The following ADCY7 variants were observed in gnomAD, a reference collection of about 807,000 sequenced individuals.
The protein encoded by ADCY7 is adenylate cyclase type 7.
ADCY7 carries 72 observed loss-of-function variants against 120.6 expected under a neutral mutation model. The observed-to-expected ratio is 0.60, with a 90% CI of 0.49 to 0.73. The LOEUF (loss-of-function observed/expected upper bound fraction) is 0.73, where lower values mean the gene tolerates loss of function less well. Among genes scored for constraint, ADCY7 ranks in the 30% least tolerant of loss-of-function variants. The probability of loss-of-function intolerance (pLI) is 0.00; values close to 1 mark genes in which losing one functional copy is unlikely to be tolerated. For synonymous variants in ADCY7, 661 were observed against 628.0 expected (o/e 1.05, Z -0.78); for missense variants, 1,227 against 1,486.0 (o/e 0.83, Z 2.87).
At chr16:50,301,039 C>T (rs772188639) in intron 9 of ADCY7, 43 bp from the exon 10 acceptor site, 1 of 1,603,114 alleles carries the variant, frequency 6.2e-7, no homozygotes. Flanking sequence ...GATGCCAGCC[C>T]TCTCTGGGCC....
rs80123665 is a variant in ADCY7, at chr16:50,311,802, C to G, written c.2448+16C>G. On this transcript the variant is annotated intron_variant, in intron 20 of 25. Transcript: ENST00000673801. ...CTCCAGACAGGTAAGGAGGCTGGCC[C>G]CCCCCCCCCCCCCAAGCTCTGCCCA... 5.5e-4 allele frequency: 132 copies of G among 239,942 alleles called. No homozygotes were observed. Among genetic ancestry groups the G allele is most frequent in the East Asian group, 2.8e-3 (39 of 14,136 alleles). 14.9% of individuals were successfully genotyped at this position (239,942 alleles called of 1,614,324 possible).
In ADCY7 at chr16:50,290,474, G is replaced by A; in HGVS notation, c.189G>A (p.Gln63=). 2 of 1,614,208 alleles carry A rather than the reference G, an allele frequency of 1.2e-6. No individual in the cohort carries two copies. The highest frequency in any genetic ancestry group is 1.7e-6 in the Non-Finnish European group (2 of 1,180,038). ...AFSQGDPSRH[Q]AILGMAFLVL... is the part of the protein sequence containing the mutation. ...CCACCCAGGACCCCTCCAGACACCA[G>A]GCCATTCTGGGCATGGCGTTCCTGG... The change falls in exon 3 of 26, where the codon CAG becomes CAA. Residue 63 remains glutamine, a synonymous_variant. Coordinates refer to ENST00000673801, the MANE Select transcript of ADCY7 (RefSeq NM_001114.5).
intron 1 of ADCY7, among the ~76,000 whole-genome samples, chr16:50,272,927 C>T (rs1273645098): frequency 6.6e-6 from 1 of 152,156 alleles, no homozygotes; most frequent in Non-Finnish European, 1.5e-5. Flanking sequence ...ACCCAGACTC[C>T]CTGGAGACAC....
intron 24 of ADCY7, 31 bp downstream of exon 24, chr16:50,314,437 G>A (rs201200637): frequency 1.9e-6 from 3 of 1,565,028 alleles, no homozygotes; most frequent in Admixed American, 1.7e-5. Context: ...GGGGTGGGGA[G>A]CCCCTGCCTC....
intron 1 of ADCY7, among the ~76,000 whole-genome samples, chr16:50,246,652 CT>C (rs776023484): frequency 1.3e-5 from 2 of 152,184 alleles, no homozygotes; most frequent in Non-Finnish European, 2.9e-5. Flanking sequence ...GGCTGTGGGT[CT>C]GCAGCGCTCC....
At chr16:50,293,107 G>T (rs1211833988) in intron 5 of ADCY7, among the ~76,000 whole-genome samples, 1 of 152,204 alleles carries the variant, frequency 6.6e-6, no homozygotes, top group African/African-American at 2.4e-5. Context: ...AGCCTCCCCA[G>T]CTGAAAGAGC....
In ADCY7 at chr16:50,314,013, C is replaced by G; in HGVS notation, c.2807C>G (p.Thr936Arg). ...GAGAAGATCAAGACCATCGGCAGCACGTACATGGCAGCTGCAGGGCTCAGC... is the reference window on the plus strand; with the variant it reads ...GAGAAGATCAAGACCATCGGCAGCAGGTACATGGCAGCTGCAGGGCTCAGC... ...GVEKIKTIGS[T>R]YMAAAGLSVA... The change falls in exon 23 of 26, where the codon ACG becomes AGG. Residue 936 changes from threonine to arginine, a missense_variant. Around this residue, in one of 5 missense-constraint regions of ADCY7, gnomAD observed 244 missense variants for 332.8 expected, o/e 0.73. Coordinates refer to ENST00000673801, the MANE Select transcript of ADCY7 (RefSeq NM_001114.5). The G allele has an allele frequency of 6.2e-7, 1 of 1,614,180 alleles. No individual in the cohort carries two copies. Among genetic ancestry groups the G allele is most frequent in the Non-Finnish European group, 8.5e-7 (1 of 1,180,008 alleles).
In ADCY7 at chr16:50,251,014, C is replaced by T. The variant is rs538144414; in HGVS notation, c.-64+4811C>T. Among the ~76,000 whole-genome samples the T allele has an allele frequency of 3.0e-3, 455 of 152,104 alleles. 1 individual carries two copies. Among genetic ancestry groups the T allele is most frequent in the Non-Finnish European group, 4.7e-3 (323 of 68,000 alleles). On this transcript the variant is annotated intron_variant, in intron 1 of 4. Transcript: ENST00000564044. The stretch of plus-strand genomic sequence containing the variant: ...CTTTGGGAGGCCAAGGTAGGAGGAA[C>T]GCTTTAGGCCAGGAGTCTGAGACTA...
upstream of ADCY7, among the ~76,000 whole-genome samples, chr16:50,262,818 G>A (rs1472958252): frequency 6.6e-6 from 1 of 152,248 alleles, no homozygotes; most frequent in Non-Finnish European, 1.5e-5. Context: ...CCTCTACCAA[G>A]CAGAAACCAG....
chr16:50,280,034 G>T (rs551803384), intron 1 of ADCY7, among the ~76,000 whole-genome samples: 13 of 152,090 alleles, frequency 8.5e-5, no homozygotes, highest in African/African-American at 3.1e-4. Context: ...GCTCTTCTTC[G>T]TATATCTGGT....
intron 22 of ADCY7, 75 bp from the exon 23 acceptor site, chr16:50,313,883 C>T: frequency 7.8e-7 from 1 of 1,277,908 alleles, no homozygotes; most frequent in Non-Finnish European, 1.1e-6. Context: ...ACCCCACACC[C>T]TTCCTGAGAA....
chr16:50,302,347 C>A (rs1314428831), intron 10 of ADCY7, among the ~76,000 whole-genome samples: 1 of 152,166 alleles, frequency 6.6e-6, no homozygotes, highest in Non-Finnish European at 1.5e-5. Flanking sequence ...CGGCTCGAAG[C>A]TAGTGCTCAG....
intron 1 of ADCY7, among the ~76,000 whole-genome samples, chr16:50,273,750 C>T (rs1292889486): frequency 2.0e-5 from 3 of 152,204 alleles, no homozygotes; most frequent in Non-Finnish European, 2.9e-5. Context: ...ACTGGGGATT[C>T]CAGGGTTGGG....
chr16:50,273,181 A>G (rs906298193), intron 1 of ADCY7, among the ~76,000 whole-genome samples: 11 of 152,092 alleles, frequency 7.2e-5, no homozygotes, highest in Non-Finnish European at 1.6e-4. Context: ...GCCCACATCT[A>G]CGTGAAGCCC....
intron 7 of ADCY7, 119 bp from the exon 8 acceptor site, chr16:50,298,785 G>A: frequency 7.0e-7 from 1 of 1,424,636 alleles, no homozygotes; most frequent in Non-Finnish European, 9.4e-7. Context: ...TGGACCCCAG[G>A]AGGCAAGCCC....
chr16:50,245,220 ACT>A (rs1325787963), upstream of ADCY7, among the ~76,000 whole-genome samples: 2 of 151,728 alleles, frequency 1.3e-5, no homozygotes, highest in Non-Finnish European at 2.9e-5. Flanking sequence ...TAAACTACAG[ACT>A]CTCTGGCCCT....
chr16:50,316,960 A>T lies in ADCY7; in HGVS notation c.*1455A>T, dbSNP rs191177266. On this transcript the variant is annotated 3_prime_UTR_variant, in exon 26 of 26. Coordinates refer to ENST00000673801, the MANE Select transcript of ADCY7 (RefSeq NM_001114.5). ...TGCATACAGGAGCCTTTACAAGATGATTATACAGGGTTGCAGATTGGGTGA... is the reference window on the plus strand; with the variant it reads ...TGCATACAGGAGCCTTTACAAGATGTTTATACAGGGTTGCAGATTGGGTGA... 443 of 152,846 alleles carry T rather than the reference A, an allele frequency of 2.9e-3. 3 individuals are homozygous for T. The highest frequency in any genetic ancestry group is 4.6e-3 in the Non-Finnish European group (311 of 68,040). 9.5% of individuals were successfully genotyped at this position (152,846 alleles called of 1,614,324 possible).
upstream of ADCY7, among the ~76,000 whole-genome samples, chr16:50,262,012 A>G (rs1385900914): frequency 1.1e-4 from 17 of 152,154 alleles, no homozygotes; most frequent in Admixed American, 1.1e-3. Flanking sequence ...TCCTTCCCCC[A>G]GTAAGGGCTC....
Position 50,303,129 on chromosome 16 carries a change from C to T in ADCY7, c.1369-1231C>T, listed in dbSNP as rs1302326765. 2.0e-5 allele frequency among the ~76,000 whole-genome samples: 3 copies of T among 152,268 alleles called. No individual in the cohort carries two copies. The East Asian group carries it at 5.8e-4, about 29-fold the overall frequency. On this transcript the variant is annotated intron_variant, in intron 10 of 25. Transcript: ENST00000673801. Reference sequence around the variant, plus strand: ...GGATTCTCTGCTAAGTGCCAGTGACCTTGAACTTGAGTGGCTAGGTGCTGT... The same window carrying T: ...GGATTCTCTGCTAAGTGCCAGTGACTTTGAACTTGAGTGGCTAGGTGCTGT...
Sources: allele counts gnomAD v4.1 joint callset (sites outside exome capture counted in the v4.1 genomes callset), GRCh38; gene constraint gnomAD v4.1.1; regional missense constraint gnomAD v4.1.1; transcripts MANE v1.5; gene names NCBI Gene and HGNC (gene_info 2026-07-23, HGNC 2026-07-21).